VSIR: variants seen among roughly 807,000 people sequenced by gnomAD.
VSIR encodes the protein V-set immunoregulatory receptor, also known as V-type immunoglobulin domain-containing suppressor of T-cell activation.
In VSIR, 10 loss-of-function variants were observed where a neutral mutation model predicts 31.0. The observed-to-expected ratio is 0.32, with a 90% confidence interval of 0.20 to 0.55. The LOEUF (loss-of-function observed/expected upper bound fraction) is 0.55. Among genes scored for constraint, VSIR ranks in the 20% least tolerant of loss-of-function variants. The probability of loss-of-function intolerance (pLI) is 0.93; values close to 1 mark genes in which losing one functional copy is unlikely to be tolerated. For missense variants in VSIR, 356 were observed against 416.2 expected (o/e 0.86, Z 1.26); for synonymous variants, 179 against 180.1 (o/e 0.99, Z 0.05).
rs1335794148 is a variant in VSIR at position 71,748,248 on chromosome 10, T to A, written c.*3005A>T. 1.3e-5 allele frequency: 2 copies of A among 152,400 alleles called. No individual in the cohort carries two copies. Among genetic ancestry groups the A allele is most frequent in the East Asian group, 3.8e-4 (2 of 5,196 alleles). 9.4% of individuals were successfully genotyped at this position (152,400 alleles called of 1,614,324 possible). Reference sequence around the variant, plus strand: ...AGCACCCCCTGAAAAAGGCCATGTATCAGCCCCTCTGCCCTGGGCCACTGC... The same window carrying A: ...AGCACCCCCTGAAAAAGGCCATGTAACAGCCCCTCTGCCCTGGGCCACTGC... On this transcript the variant is annotated 3_prime_UTR_variant, in exon 7 of 7. Coordinates refer to ENST00000394957, the MANE Select transcript of VSIR (RefSeq NM_022153.2).
chr10:71,766,123 A>G (rs1043359781), intron 1 of VSIR, among the ~76,000 whole-genome samples: 2 of 152,252 alleles, frequency 1.3e-5, no homozygotes, highest in African/African-American at 2.4e-5. Flanking sequence ...GAAGCTGTGC[A>G]GCCCGGCTAA....
At chr10:71,766,907 C>A (rs930840272) in intron 1 of VSIR, among the ~76,000 whole-genome samples, 1 of 152,212 alleles carries the variant, frequency 6.6e-6, no homozygotes, top group African/African-American at 2.4e-5. Flanking sequence ...ATGAACTGAC[C>A]GTGCATTGAC....
At position 71,760,168 on chromosome 10, in the gene VSIR, C is replaced by T. The variant is rs867267847; in HGVS notation, c.568+700G>A. 6.6e-4 allele frequency among the ~76,000 whole-genome samples: 10 copies of T among 15,048 alleles called. 3 individuals are homozygous for T. The highest frequency in any genetic ancestry group is 2.4e-3 in the African/African-American group (6 of 2,476). 9.9% of individuals were successfully genotyped at this position (15,048 alleles called of 152,430 possible). On this transcript the variant is annotated intron_variant, in intron 3 of 6. Coordinates refer to ENST00000394957, the MANE Select transcript of VSIR (RefSeq NM_022153.2). ...ATATGTGTGTATATATATGTATATA[C>T]ATATATATGTGTGTATATATATGTA...
chr10:71,752,107 G>A (rs1239507609), intron 5 of VSIR: 1 of 667,730 alleles, frequency 1.5e-6, no homozygotes, highest in Non-Finnish European at 2.7e-6. Context: ...CCTCCCTGTG[G>A]TCTGACCATC....
intron 4 of VSIR, 134 bp downstream of exon 4, chr10:71,755,225 T>A: frequency 2.3e-6 from 2 of 873,088 alleles, no homozygotes; most frequent in South Asian, 1.5e-5. Flanking sequence ...TGGCGGGAAG[T>A]GCAGCTGCTC....
chr10:71,751,801 G>A lies in VSIR; in HGVS notation c.765C>T (p.Pro255=), dbSNP rs775738494. The part of the protein sequence containing the change: ...FEASPPAQGI[P]EAKVRHPLSY... ...ACAGGGGGTGCCTGACTTTGGCCTC[G>A]GGTATCCCCTGGGCAGGTGGTGAGG... The change falls in exon 6 of 7, where the codon CCC becomes CCT. Residue 255 remains proline, a synonymous_variant. Transcript: ENST00000394957. This position sits in a 1 kb window ranked among gnomAD's most constrained non-coding sequence, Gnocchi z 4.9. 9.4e-6 allele frequency: 15 copies of A among 1,595,424 alleles called. No individual in the cohort carries two copies. Among genetic ancestry groups the A allele is most frequent in the East Asian group, 9.0e-5 (4 of 44,498 alleles).
chr10:71,755,051 C>T (rs760530982), intron 4 of VSIR: 4 of 532,262 alleles, frequency 7.5e-6, no homozygotes, highest in South Asian at 4.6e-5. Flanking sequence ...TGAGTGGCAG[C>T]AACTTGCTTT....
chr10:71,756,661 T>C (rs1468604103), intron 3 of VSIR, among the ~76,000 whole-genome samples: 4 of 152,026 alleles, frequency 2.6e-5, no homozygotes, highest in Non-Finnish European at 5.9e-5. Flanking sequence ...ACTGCAGGAG[T>C]TTAGCTGGGA....
Position 71,760,940 on chromosome 10 carries a change from G to A in VSIR, c.512-16C>T, listed in dbSNP as rs930986659. 3.1e-6 allele frequency: 5 copies of A among 1,613,472 alleles called. No individual in the cohort carries two copies. The African/African-American group carries it at 5.3e-5, about 17-fold the overall frequency. Reference sequence around the variant, plus strand: ...GCATCTTTGCCTGTGGGAACAAACAGAAGGGCCATTAGGTGGGTGTCAGGC... The same window carrying A: ...GCATCTTTGCCTGTGGGAACAAACAAAAGGGCCATTAGGTGGGTGTCAGGC... On this transcript the variant is annotated splice_polypyrimidine_tract_variant and intron_variant, in intron 2 of 6. Coordinates refer to ENST00000394957, the MANE Select transcript of VSIR (RefSeq NM_022153.2).
rs747433704 is a variant in VSIR, at chr10:71,761,926, G to A, written c.183C>T (p.Asp61=). The change falls in exon 2 of 7, where the codon GAC becomes GAT. Residue 61 remains aspartate, a synonymous_variant. Transcript: ENST00000394957. ...TGTAGAAGGTCACATCGTGCCCTTT[G>A]TCCACAGGGCCCAAGAGCCTGCAGG... is the stretch of plus-strand genomic sequence containing the variant. ...TLTCRLLGPV[D]KGHDVTFYKT... 3.7e-6 allele frequency: 6 copies of A among 1,614,064 alleles called. No homozygotes were observed. The Admixed American group carries it at 6.7e-5, about 18-fold the overall frequency.
chr10:71,760,804 T>C, intron 3 of VSIR, 64 bp downstream of exon 3: 1 of 1,506,004 alleles, frequency 6.6e-7, no homozygotes, highest in Admixed American at 1.7e-5. Context: ...AAACAGGGTC[T>C]GGGTGCAGGA....
intron 5 of VSIR, chr10:71,752,076 C>T (rs1239752301): frequency 2.9e-6 from 2 of 697,852 alleles, no homozygotes; most frequent in Non-Finnish European, 2.6e-6. Flanking sequence ...GCATCAGGGC[C>T]CACCAGAACA....
chr10:71,760,792 C>A, intron 3 of VSIR, 76 bp downstream of exon 3: 2 of 1,442,628 alleles, frequency 1.4e-6, no homozygotes, highest in South Asian at 2.3e-5. Flanking sequence ...GGCCAGAGTT[C>A]CAAACAGGGT....
chr10:71,754,149 C>G (rs571639014), intron 4 of VSIR, among the ~76,000 whole-genome samples: 2 of 152,348 alleles, frequency 1.3e-5, no homozygotes, highest in African/African-American at 4.8e-5. Context: ...CCTGCTCCCC[C>G]TGCCCTGCTG....
At chr10:71,760,038 C>T (rs201090755) in intron 3 of VSIR, among the ~76,000 whole-genome samples, 1,256 of 22,988 alleles carry the variant, frequency 0.055, 240 homozygotes, top group Middle Eastern at 0.079. Context: ...CACACACACA[C>T]ATATATACAC....
intron 1 of VSIR, among the ~76,000 whole-genome samples, chr10:71,765,252 G>A (rs1840506865): frequency 6.6e-6 from 1 of 152,230 alleles, no homozygotes; most frequent in Non-Finnish European, 1.5e-5. Context: ...CCCAGGGCTG[G>A]GAGCTGAATT....
chr10:71,754,067 T>C (rs369481143), intron 4 of VSIR, among the ~76,000 whole-genome samples: 29 of 152,302 alleles, frequency 1.9e-4, no homozygotes, highest in African/African-American at 5.8e-4. Context: ...TCCTTTTCTT[T>C]TTTTCCTGAG....
intron 3 of VSIR, among the ~76,000 whole-genome samples, chr10:71,760,279 A>G (rs528618457): frequency 7.1e-5 from 8 of 112,734 alleles, no homozygotes; most frequent in African/African-American, 2.4e-4. Flanking sequence ...ATATATATGT[A>G]TGTATATATG....
rs1840262666 is a variant in VSIR, at chr10:71,759,856, C to T, written c.568+1012G>A. Among the ~76,000 whole-genome samples the T allele has an allele frequency of 1.8e-5, 2 of 111,772 alleles. 1 individual carries two copies. Among genetic ancestry groups the T allele is most frequent in the Non-Finnish European group, 4.0e-5 (2 of 49,694 alleles). The allele number at this position is 111,772 out of a possible 152,430, so 73.3% of individuals were successfully genotyped here. ...ACACACACACACACACATATACACA[C>T]ACACACACATATATATACACACACA... On this transcript the variant is annotated intron_variant, in intron 3 of 6. Transcript: ENST00000394957.
Sources: gnomAD v4.1 joint callset for allele counts (sites outside exome capture counted in the v4.1 genomes callset) on GRCh38, gnomAD v4.1.1 for gene constraint, Gnocchi (gnomAD v3.1) non-coding constraint, MANE v1.5 for transcripts, NCBI Gene and HGNC (gene_info 2026-07-23, HGNC 2026-07-21) for gene names.